PTGFR: variants seen among roughly 807,000 people sequenced by gnomAD.
The protein encoded by PTGFR is prostaglandin F receptor.
Under a neutral mutation model 26.2 loss-of-function variants are expected in PTGFR, and 15 were observed. That is an observed-to-expected ratio of 0.57 (90% CI 0.38 to 0.88). PTGFR has a LOEUF of 0.88. PTGFR is among the 40% of genes least tolerant of loss of function. PTGFR has a pLI of 0.00. For synonymous variants in PTGFR, 165 were observed against 151.1 expected (o/e 1.09, Z -0.68); for missense variants, 369 against 427.2 (o/e 0.86, Z 1.20).
At chr1:78,523,553 C>T (rs866805774) in intron 2 of PTGFR, among the ~76,000 whole-genome samples, 4 of 151,930 alleles carry the variant, frequency 2.6e-5, no homozygotes, top group African/African-American at 9.7e-5. Context: ...GTATAAATAC[C>T]TTTGGACTAA....
At chr1:78,530,511 G>A (rs760626430) in intron 2 of PTGFR, among the ~76,000 whole-genome samples, 1 of 152,152 alleles carries the variant, frequency 6.6e-6, no homozygotes, top group African/African-American at 2.4e-5. Flanking sequence ...CTCTCCTGGT[G>A]CCATGGAGGC....
Position 78,540,604 on chromosome 1 carries a change from A to G in PTGFR, c.*3917A>G, listed in dbSNP as rs189422541. ...AAAGAGGGAAATCTTGGTTCTTAAA[A>G]ATTCAGGCAATTGAAACATTTCTGT... On this transcript the variant is annotated 3_prime_UTR_variant, in exon 3 of 3. Transcript: ENST00000370757. Among the ~76,000 whole-genome samples the G allele has an allele frequency of 3.3e-5, 5 of 152,282 alleles. No individual in the cohort carries two copies. The highest frequency in any genetic ancestry group is 1.2e-4 in the African/African-American group (5 of 41,590).
At chr1:78,509,021 C>T (rs931769919) in intron 2 of PTGFR, among the ~76,000 whole-genome samples, 4 of 152,046 alleles carry the variant, frequency 2.6e-5, no homozygotes, top group African/African-American at 9.7e-5. Context: ...TTCGAACAGA[C>T]CAAATAGAGA....
intron 2 of PTGFR, among the ~76,000 whole-genome samples, chr1:78,507,414 C>T (rs984435010): frequency 2.6e-5 from 4 of 152,026 alleles, no homozygotes; most frequent in South Asian, 2.1e-4. Context: ...GCTTATTTGG[C>T]CATACTGGAA....
At chr1:78,523,105 C>A (rs1281231803) in intron 2 of PTGFR, among the ~76,000 whole-genome samples, 1 of 151,986 alleles carries the variant, frequency 6.6e-6, no homozygotes, top group Non-Finnish European at 1.5e-5. Flanking sequence ...GTACTATAAT[C>A]TCTTTTTACA....
At chr1:78,519,382 A>G (rs1650170768) in intron 2 of PTGFR, among the ~76,000 whole-genome samples, 1 of 152,162 alleles carries the variant, frequency 6.6e-6, no homozygotes, top group African/African-American at 2.4e-5. Flanking sequence ...TAACCTCTGT[A>G]AAATATAGAT....
At chr1:78,533,793 C>T (rs1159439291) in intron 2 of PTGFR, among the ~76,000 whole-genome samples, 1 of 152,092 alleles carries the variant, frequency 6.6e-6, no homozygotes, top group Non-Finnish European at 1.5e-5. Flanking sequence ...CAAACATGGG[C>T]TCTATTATCT....
chr1:78,516,933 T>C (rs1205720978), intron 2 of PTGFR, among the ~76,000 whole-genome samples: 1 of 152,096 alleles, frequency 6.6e-6, no homozygotes, highest in Non-Finnish European at 1.5e-5. Context: ...AAACAAACTT[T>C]TGTCTTGAAA....
intron 2 of PTGFR, among the ~76,000 whole-genome samples, chr1:78,504,078 G>A (rs72673924): frequency 0.14 from 20,668 of 152,180 alleles, 1,797 homozygotes; most frequent in Non-Finnish European, 0.2. Context: ...TGTTGGAAAG[G>A]TGAGACCTCC....
chr1:78,517,334 G>T (rs756171138), intron 2 of PTGFR, among the ~76,000 whole-genome samples: 4 of 152,098 alleles, frequency 2.6e-5, no homozygotes, highest in Non-Finnish European at 5.9e-5. Flanking sequence ...TATGGGTTAC[G>T]GTCTTCTGAA....
chr1:78,510,488 A>T (rs777317783), intron 2 of PTGFR, among the ~76,000 whole-genome samples: 4 of 152,058 alleles, frequency 2.6e-5, no homozygotes, highest in African/African-American at 4.8e-5. Flanking sequence ...TCAGAGTAAG[A>T]TCTCATTTGT....
At chr1:78,533,161 A>G (rs971719261) in intron 2 of PTGFR, among the ~76,000 whole-genome samples, 1 of 152,186 alleles carries the variant, frequency 6.6e-6, no homozygotes, top group Non-Finnish European at 1.5e-5. Context: ...CTATAAGACT[A>G]GTATTATTTT....
At chr1:78,517,044 A>G (rs1436238308) in intron 2 of PTGFR, among the ~76,000 whole-genome samples, 1 of 152,210 alleles carries the variant, frequency 6.6e-6, no homozygotes, top group African/African-American at 2.4e-5. Flanking sequence ...CTACCTAGGC[A>G]TATTTGCAGC....
At chr1:78,503,844 T>C (rs769817858) in intron 2 of PTGFR, among the ~76,000 whole-genome samples, 13 of 152,232 alleles carry the variant, frequency 8.5e-5, no homozygotes, top group Admixed American at 1.3e-4. Flanking sequence ...AAGAACATTG[T>C]TGTAGCAGCA....
chr1:78,510,088 C>G (rs991343848), intron 2 of PTGFR, among the ~76,000 whole-genome samples: 1 of 152,204 alleles, frequency 6.6e-6, no homozygotes, highest in Non-Finnish European at 1.5e-5. Context: ...TCATGCATCA[C>G]AGTGATGCCT....
chr1:78,499,231 T>TA (rs1438453505), intron 2 of PTGFR, among the ~76,000 whole-genome samples: 1 of 152,222 alleles, frequency 6.6e-6, no homozygotes, highest in Non-Finnish European at 1.5e-5. Flanking sequence ...TTCTCTCAAA[T>TA]ATCCCCTCCT....
At position 78,540,063 on chromosome 1, in the gene PTGFR, G is replaced by A. The variant is rs537254576; in HGVS notation, c.*3376G>A. On this transcript the variant is annotated 3_prime_UTR_variant, in exon 3 of 3. Transcript: ENST00000370757. Reference sequence around the variant, plus strand: ...TTACAGCGCCATAAACTTCACAAAAGTTTGTATCTCCCACATGGTTCCTGT... The same window carrying A: ...TTACAGCGCCATAAACTTCACAAAAATTTGTATCTCCCACATGGTTCCTGT... 6.6e-6 allele frequency among the ~76,000 whole-genome samples: 1 copy of A among 152,108 alleles called. No individual in the cohort carries two copies. The highest frequency in any genetic ancestry group is 2.1e-4 in the South Asian group (1 of 4,818).
At chr1:78,506,268 G>C (rs1244943840) in intron 2 of PTGFR, among the ~76,000 whole-genome samples, 1 of 151,822 alleles carries the variant, frequency 6.6e-6, no homozygotes, top group Non-Finnish European at 1.5e-5. Context: ...ACTCATTGTA[G>C]TTTGAGTTAC....
intron 2 of PTGFR, among the ~76,000 whole-genome samples, chr1:78,500,796 T>C (rs1649684865): frequency 6.6e-6 from 1 of 152,224 alleles, no homozygotes; most frequent in African/African-American, 2.4e-5. Context: ...GAGCTATGTG[T>C]AGGCTATGTA....
Sources: allele counts gnomAD v4.1 joint callset (sites outside exome capture counted in the v4.1 genomes callset), GRCh38; gene constraint gnomAD v4.1.1; transcripts MANE v1.5; gene names NCBI Gene and HGNC (gene_info 2026-07-23, HGNC 2026-07-21).